Variants in LMCD1 observed in about 807,000 individuals in gnomAD.
The protein encoded by LMCD1 is LIM and cysteine rich domains 1.
Under a neutral mutation model 42.7 loss-of-function variants are expected in LMCD1, and 32 were observed. The observed-to-expected ratio is 0.75, with a 90% CI of 0.57 to 1.01. LMCD1 has a LOEUF of 1.01. LMCD1 is among the 50% of genes least tolerant of loss of function. The pLI is 0.00. For missense variants in LMCD1, 458 were observed against 483.1 expected (o/e 0.95, Z 0.49); for synonymous variants, 178 against 184.9 (o/e 0.96, Z 0.30).
intron 1 of LMCD1, among the ~76,000 whole-genome samples, chr3:8,511,629 T>A (rs958875418): frequency 6.6e-6 from 1 of 152,168 alleles, no homozygotes; most frequent in African/African-American, 2.4e-5. Flanking sequence ...CATAGTCCAG[T>A]TTTATGCCTT....
rs138525244 is a variant in LMCD1, at chr3:8,501,963, A to C, written c.25A>C (p.Asn9His). The change falls in exon 1 of 6, where the codon AAC (asparagine) becomes CAC (histidine). Residue 9 changes from asparagine to histidine, a missense_variant. Physicochemically the swap from Asn to His is moderately conservative, Grantham distance 68 (BLOSUM62 1). Coordinates refer to ENST00000157600, the MANE Select transcript of LMCD1 (RefSeq NM_014583.4). ...GATGGCAAAGGTGGCTAAGGACCTCAACCCAGGAGTTAAAAAGGTGAGTGG... is the reference window on the plus strand; with the variant it reads ...GATGGCAAAGGTGGCTAAGGACCTCCACCCAGGAGTTAAAAAGGTGAGTGG... MAKVAKDL[N>H]PGVKKMSLGQ... 62 of 1,592,942 alleles carry C rather than the reference A, an allele frequency of 3.9e-5. No individual in the cohort carries two copies. Among genetic ancestry groups the C allele is most frequent in the Non-Finnish European group, 5.0e-5 (59 of 1,171,072 alleles).
chr3:8,537,552 A>G, intron 3 of LMCD1, 112 bp downstream of exon 3: 1 of 1,217,318 alleles, frequency 8.2e-7, no homozygotes, highest in Non-Finnish European at 1.1e-6. Flanking sequence ...GGTCACAAAA[A>G]TGACAGGAGT....
intron 3 of LMCD1, among the ~76,000 whole-genome samples, chr3:8,543,312 C>T (rs952819165): frequency 2.0e-5 from 3 of 152,090 alleles, no homozygotes; most frequent in East Asian, 3.9e-4. Flanking sequence ...CTCACTGCCC[C>T]GAGAGAAGCC....
rs776020629 is a variant in LMCD1, at chr3:8,565,665, G to C, written c.939+18G>C. ...GCGATGAGGTGGGAGATAGCCGCGA[G>C]ATGGGTTAGGGGGCTTGAGGGACAC... On this transcript the variant is annotated intron_variant, in intron 5 of 5. Transcript: ENST00000157600. The C allele has an allele frequency of 1.9e-6, 3 of 1,569,948 alleles. No homozygotes were observed. In the East Asian group the frequency reaches 7.1e-5, roughly 37 times the overall value.
chr3:8,540,361 T>C (rs753351410), intron 3 of LMCD1, among the ~76,000 whole-genome samples: 17 of 152,266 alleles, frequency 1.1e-4, no homozygotes, highest in Admixed American at 4.6e-4. Context: ...CTAGCCACCA[T>C]ACTAGGAGCT....
intron 4 of LMCD1, chr3:8,550,063 G>A (rs1376658425): frequency 6.8e-7 from 1 of 1,472,230 alleles, no homozygotes; most frequent in South Asian, 1.4e-5. Flanking sequence ...AAGTGGCAGT[G>A]TGGAAGAAGT....
intron 1 of LMCD1, among the ~76,000 whole-genome samples, chr3:8,516,035 T>G (rs1694091316): frequency 6.6e-6 from 1 of 152,130 alleles, no homozygotes; most frequent in African/African-American, 2.4e-5. Context: ...TTTTTATGCT[T>G]TCAAGTTTTA....
intron 1 of LMCD1, among the ~76,000 whole-genome samples, chr3:8,525,028 A>G (rs1313737305): frequency 6.6e-6 from 1 of 152,178 alleles, no homozygotes; most frequent in Non-Finnish European, 1.5e-5. Context: ...TACTAATCAA[A>G]CTAATTTTTT....
At chr3:8,512,581 A>G (rs551728283) in intron 1 of LMCD1, among the ~76,000 whole-genome samples, 20 of 152,328 alleles carry the variant, frequency 1.3e-4, no homozygotes, top group Non-Finnish European at 2.8e-4. Context: ...GTCCTCCTAC[A>G]CAGCCAACAG....
At chr3:8,555,947 C>G (rs1003746900) in intron 4 of LMCD1, among the ~76,000 whole-genome samples, 2 of 152,128 alleles carry the variant, frequency 1.3e-5, no homozygotes, top group Non-Finnish European at 2.9e-5. Context: ...TTTACATAAA[C>G]AGGCGGTGGG....
At chr3:8,515,217 C>A (rs371293802) in intron 1 of LMCD1, among the ~76,000 whole-genome samples, 2 of 152,288 alleles carry the variant, frequency 1.3e-5, no homozygotes, top group East Asian at 3.9e-4. Context: ...AGCCTGGCAT[C>A]CAGGTTTCTT....
chr3:8,527,796 A>T (rs1201715639), intron 1 of LMCD1, among the ~76,000 whole-genome samples: 1 of 152,320 alleles, frequency 6.6e-6, no homozygotes, highest in East Asian at 1.9e-4. Flanking sequence ...ATAGAATCAC[A>T]ATTGTTGTGC....
Position 8,548,822 on chromosome 3 carries a change from G to C in LMCD1, c.642G>C (p.Gln214His), listed in dbSNP as rs1287298354. The C allele has an allele frequency of 6.2e-7, 1 of 1,603,166 alleles. No homozygotes were observed. The highest frequency in any genetic ancestry group is 1.1e-5 in the South Asian group (1 of 90,040). The change falls in exon 4 of 6, where the codon CAG becomes CAC. Residue 214 changes from glutamine (Q) to histidine (H), a missense_variant. Physicochemically the swap from Gln to His is conservative, Grantham distance 24 (BLOSUM62 0). Coordinates refer to ENST00000157600, the MANE Select transcript of LMCD1 (RefSeq NM_014583.4). ...QGGLPKEEGK[Q>H]QEKPEGAETT... is the part of the protein sequence containing the mutation. ...GCTTGCCCAAGGAGGAGGGGAAGCA[G>C]CAGGAAAAGCCAGAGGGGGCAGAGA...
chr3:8,508,853 GAA>G (rs1693936672), intron 1 of LMCD1, among the ~76,000 whole-genome samples: 3 of 152,138 alleles, frequency 2.0e-5, no homozygotes, highest in Non-Finnish European at 4.4e-5. Flanking sequence ...CTCATACCTT[GAA>G]ACTCAGAAGT....
intron 1 of LMCD1, among the ~76,000 whole-genome samples, chr3:8,517,294 C>G (rs1030335712): frequency 2.6e-5 from 4 of 152,108 alleles, no homozygotes; most frequent in African/African-American, 9.7e-5. Flanking sequence ...AAAATTACCC[C>G]CCAAGTTGTG....
chr3:8,559,897 A>T (rs1384652781), intron 4 of LMCD1, among the ~76,000 whole-genome samples: 3 of 152,240 alleles, frequency 2.0e-5, no homozygotes, highest in South Asian at 4.1e-4. Context: ...GGGGCTGGCT[A>T]CTGGTAGAAA....
chr3:8,541,588 A>G (rs1291537161), intron 3 of LMCD1, among the ~76,000 whole-genome samples: 8 of 152,240 alleles, frequency 5.3e-5, no homozygotes, highest in Admixed American at 5.2e-4. Flanking sequence ...TAGGAAAAAC[A>G]TAAAACCTAA....
At chr3:8,513,004 CTAG>C (rs1476802335) in intron 1 of LMCD1, among the ~76,000 whole-genome samples, 4 of 152,172 alleles carry the variant, frequency 2.6e-5, no homozygotes, top group Non-Finnish European at 5.9e-5. Context: ...AGCTGGGCAG[CTAG>C]TTGCTGTCAG....
intron 4 of LMCD1, among the ~76,000 whole-genome samples, chr3:8,559,095 G>A (rs1479741480): frequency 6.6e-6 from 1 of 152,060 alleles, no homozygotes; most frequent in East Asian, 1.9e-4. Context: ...GCTGAGTCTG[G>A]AGCAGTGGCA....
Sources: gnomAD v4.1 joint callset for allele counts (sites outside exome capture counted in the v4.1 genomes callset) on GRCh38, gnomAD v4.1.1 for gene constraint, MANE v1.5 for transcripts, NCBI Gene and HGNC (gene_info 2026-07-23, HGNC 2026-07-21) for gene names.